MACROD2: variants seen among roughly 807,000 people sequenced by gnomAD.
The protein encoded by MACROD2 is ADP-ribose glycohydrolase MACROD2.
A neutral mutation model predicts 70.4 loss-of-function variants in MACROD2; 36 were observed. The ratio of observed to expected loss-of-function variants is 0.51; its 90% CI spans 0.39 to 0.68. The LOEUF (loss-of-function observed/expected upper bound fraction) is 0.68. Among genes scored for constraint, MACROD2 ranks in the 30% least tolerant of loss-of-function variants. The pLI, the probability that MACROD2 is intolerant of heterozygous loss-of-function variation, is 0.00. For missense variants in MACROD2, 496 were observed against 538.4 expected, an observed-to-expected ratio of 0.92 and a Z score of 0.78; for synonymous variants, 172 against 178.8, an observed-to-expected ratio of 0.96 and a Z score of 0.30.
intron 2 of MACROD2, among the ~76,000 whole-genome samples, chr20:14,049,755 AAAAAC>A (rs778450031): frequency 4.6e-5 from 7 of 151,154 alleles, no homozygotes; most frequent in South Asian, 2.1e-4. Context: ...AGACTGTCTC[AAAAAC>A]AAAACAAAAC....
intron 3 of MACROD2, among the ~76,000 whole-genome samples, chr20:14,134,640 A>T (rs2054766769): frequency 6.6e-6 from 1 of 152,036 alleles, no homozygotes; most frequent in African/African-American, 2.4e-5. Context: ...CCCTGTCTCT[A>T]CTAAAAATAC....
chr20:14,154,473 G>A (rs2055066907), intron 3 of MACROD2, among the ~76,000 whole-genome samples: 1 of 147,150 alleles, frequency 6.8e-6, no homozygotes, highest in African/African-American at 2.5e-5. Flanking sequence ...TGCAAGCTCC[G>A]CCTCCCGGTT....
At chr20:15,056,819 T>C (rs2075489784) in intron 5 of MACROD2, among the ~76,000 whole-genome samples, 1 of 152,212 alleles carries the variant, frequency 6.6e-6, no homozygotes, top group South Asian at 2.1e-4. Flanking sequence ...TTGACATGTA[T>C]GATCACAACA....
chr20:15,293,971 T>A (rs1034628246), intron 6 of MACROD2, among the ~76,000 whole-genome samples: 2 of 151,628 alleles, frequency 1.3e-5, no homozygotes, highest in African/African-American at 4.9e-5. Flanking sequence ...TACAAAAAAA[T>A]TAGCTGGGCG....
chr20:14,785,388 A>G (rs1357438239), intron 5 of MACROD2, among the ~76,000 whole-genome samples: 1 of 152,006 alleles, frequency 6.6e-6, no homozygotes, highest in Non-Finnish European at 1.5e-5. Flanking sequence ...CAAGAAAAAA[A>G]AAGCCTTTAA....
intron 8 of MACROD2, among the ~76,000 whole-genome samples, chr20:15,509,924 C>T (rs954073088): frequency 2.0e-5 from 3 of 152,170 alleles, no homozygotes; most frequent in African/African-American, 7.2e-5. Flanking sequence ...TGTAAGAAGG[C>T]TTACACTCTG....
intron 4 of MACROD2, chr20:14,566,981 A>T (rs1040523343): frequency 1.3e-5 from 2 of 151,510 alleles, no homozygotes; most frequent in Admixed American, 1.3e-4. Flanking sequence ...GGGTCCTGTT[A>T]TTTTGCCCAA....
At chr20:15,481,600 A>T (rs191858167) in intron 7 of MACROD2, among the ~76,000 whole-genome samples, 4 of 151,176 alleles carry the variant, frequency 2.6e-5, no homozygotes, top group South Asian at 2.1e-4. Flanking sequence ...ACATAAATAA[A>T]TATTATGGTT....
intron 3 of MACROD2, among the ~76,000 whole-genome samples, chr20:14,416,403 G>A (rs1568602156): frequency 1.3e-5 from 2 of 152,020 alleles, no homozygotes; most frequent in Non-Finnish European, 2.9e-5. Context: ...TAGCTAAAAC[G>A]TGTACACATC....
At chr20:15,262,977 C>T (rs567518421) in intron 6 of MACROD2, among the ~76,000 whole-genome samples, 46 of 152,136 alleles carry the variant, frequency 3.0e-4, no homozygotes, top group African/African-American at 9.6e-4. Context: ...ATATTCTCTC[C>T]GATTCTGTGG....
chr20:14,098,499 A>G lies in MACROD2; in HGVS notation c.271+12771A>G, dbSNP rs1204849979. Among the ~76,000 whole-genome samples, 4 of 152,230 alleles carry G rather than the reference A, an allele frequency of 2.6e-5. No homozygotes were observed. In the East Asian group the frequency reaches 5.8e-4, roughly 22 times the overall value. ...ATGTCATAAGATTGTATAGATAACCATTTAATAGCTGAGCATGATTTAAGA... is the reference window on the plus strand; with the variant it reads ...ATGTCATAAGATTGTATAGATAACCGTTTAATAGCTGAGCATGATTTAAGA... On this transcript the variant is annotated intron_variant, in intron 3 of 17. Coordinates refer to ENST00000684519, the MANE Select transcript of MACROD2 (RefSeq NM_001351661.2).
chr20:15,550,925 T>C (rs1379314648), intron 8 of MACROD2, among the ~76,000 whole-genome samples: 1 of 152,222 alleles, frequency 6.6e-6, no homozygotes, highest in Non-Finnish European at 1.5e-5. Context: ...TTTCAAGGTA[T>C]CTCAATACTG....
chr20:14,739,435 A>G (rs1221276803), intron 5 of MACROD2, among the ~76,000 whole-genome samples: 2 of 151,964 alleles, frequency 1.3e-5, no homozygotes, highest in Admixed American at 6.6e-5. Context: ...ATTAATAACA[A>G]TGTTACCTGT....
At chr20:14,034,799 A>C (rs1370286347) in intron 2 of MACROD2, among the ~76,000 whole-genome samples, 1 of 152,230 alleles carries the variant, frequency 6.6e-6, no homozygotes, top group Non-Finnish European at 1.5e-5. Context: ...CTCATTTAAA[A>C]AAATGTTTTT....
intron 5 of MACROD2, among the ~76,000 whole-genome samples, chr20:14,957,683 A>C (rs2074549010): frequency 6.6e-6 from 1 of 152,190 alleles, no homozygotes; most frequent in African/African-American, 2.4e-5. Flanking sequence ...CGAGAATGCC[A>C]GGGATTTGCC....
At chr20:15,559,851 G>T (rs923587622) in intron 8 of MACROD2, among the ~76,000 whole-genome samples, 1 of 152,198 alleles carries the variant, frequency 6.6e-6, no homozygotes, top group Non-Finnish European at 1.5e-5. Context: ...TGGATAGAAA[G>T]ACTTCTGACC....
intron 5 of MACROD2, among the ~76,000 whole-genome samples, chr20:15,084,067 T>TTG (rs1568564925): frequency 2.0e-5 from 1 of 51,134 alleles, no homozygotes; most frequent in East Asian, 7.6e-4. Context: ...AGGTTTTTTT[T>TTG]TTTTGTTTTT....
intron 3 of MACROD2, among the ~76,000 whole-genome samples, chr20:14,449,143 C>T (rs1463594944): frequency 6.6e-6 from 1 of 151,900 alleles, no homozygotes; most frequent in African/African-American, 2.4e-5. Flanking sequence ...TTTTTTACCC[C>T]CTTATCTGAG....
At chr20:14,062,613 T>A (rs78132248) in intron 2 of MACROD2, among the ~76,000 whole-genome samples, 2,697 of 152,146 alleles carry the variant, frequency 0.018, 32 homozygotes, top group Non-Finnish European at 0.026. Context: ...ATAAAATAGG[T>A]TAGGGCCAGA....
Sources: gnomAD v4.1 joint callset for allele counts (sites outside exome capture counted in the v4.1 genomes callset) on GRCh38, gnomAD v4.1.1 for gene constraint, MANE v1.5 for transcripts, NCBI Gene and HGNC (gene_info 2026-07-23, HGNC 2026-07-21) for gene names.